The following LAMA5 variants were observed in gnomAD, a reference collection of about 807,000 sequenced individuals.
The protein encoded by LAMA5 is laminin subunit alpha-5.
LAMA5 carries 260 observed loss-of-function variants against 433.4 expected under a neutral mutation model. That is an observed-to-expected ratio of 0.60 (90% CI 0.54 to 0.66). The LOEUF (loss-of-function observed/expected upper bound fraction) is 0.66, where lower values mean the gene tolerates loss of function less well. LAMA5 is among the 30% of genes least tolerant of loss of function. The pLI is 0.00. For synonymous variants in LAMA5, 2,620 were observed against 2,226.6 expected, an observed-to-expected ratio of 1.18 and a Z score of -4.97; for missense variants, 5,378 against 5,258.5, an observed-to-expected ratio of 1.02 and a Z score of -0.70.
rs1981816624 is a variant in LAMA5, at chr20:62,337,283, G to A, written c.2164+307C>T. 3.3e-5 allele frequency among the ~76,000 whole-genome samples: 5 copies of A among 152,072 alleles called. No homozygotes were observed. In the South Asian group the frequency reaches 1.0e-3, roughly 31 times the overall value. ...ACACAAACCCACTTACGTGACACAG[G>A]CACCCACACTTAGGTGACACACACA... On this transcript the variant is annotated intron_variant, in intron 16 of 79. Coordinates refer to ENST00000252999, the MANE Select transcript of LAMA5 (RefSeq NM_005560.6).
At chr20:62,335,538 G>A (rs1981419087) in intron 18 of LAMA5, among the ~76,000 whole-genome samples, 1 of 144,068 alleles carries the variant, frequency 6.9e-6, no homozygotes, top group African/African-American at 2.6e-5. Flanking sequence ...TCCCTCTAGA[G>A]CACACTCAGA....
intron 48 of LAMA5, among the ~76,000 whole-genome samples, 191 bp downstream of exon 48, chr20:62,321,828 G>C (rs1007466992): frequency 4.1e-4 from 63 of 151,990 alleles, no homozygotes; most frequent in Middle Eastern, 3.4e-3. Context: ...GGACAGTAGA[G>C]GGGTGCAGCC....
rs747857822 is a variant in LAMA5 at position 62,313,441 on chromosome 20, A to G, written c.8678T>C (p.Phe2893Ser). ...STFTPPPLLRFPGYRGCIEMD... is the reference protein window; with the variant it reads ...STFTPPPLLRSPGYRGCIEMD... Reference sequence around the variant, plus strand: ...CTCGATGCAGCCCCGGTAGCCGGGGAAGCGAAGCAGGGGAGGGGGCTGTGG... The same window carrying G: ...CTCGATGCAGCCCCGGTAGCCGGGGGAGCGAAGCAGGGGAGGGGGCTGTGG... Residue 2893 changes from phenylalanine (F) to serine (S), a missense_variant, in exon 64 of 80, where the codon TTC becomes TCC. Phe to Ser is a radical substitution (Grantham distance 155, BLOSUM62 -2). Coordinates refer to ENST00000252999, the MANE Select transcript of LAMA5 (RefSeq NM_005560.6). The G allele has an allele frequency of 1.2e-6, 2 of 1,609,688 alleles. No homozygotes were observed. The highest frequency in any genetic ancestry group is 2.2e-5 in the South Asian group (2 of 90,414).
intron 79 of LAMA5, 113 bp downstream of exon 79, chr20:62,309,603 T>C (rs948301655): frequency 1.4e-5 from 4 of 284,350 alleles, no homozygotes; most frequent in African/African-American, 9.7e-5. Flanking sequence ...GGTAGGGGGG[T>C]GGGAGGAGGG....
chr20:62,311,181 G>C lies in LAMA5; in HGVS notation c.10069C>G (p.Leu3357Val). Reference protein sequence around the residue: ...LSSHLEFVGILARHRNWPSLS... With the variant: ...LSSHLEFVGIVARHRNWPSLS... The stretch of plus-strand genomic sequence containing the variant: ...CCTTACCAGTTCCTATGTCGGGCCA[G>C]GATGCCCACAAACTCCAGGTGACTG... The change falls in exon 73 of 80, where the codon CTG becomes GTG. Residue 3357 changes from leucine (L) to valine (V), a missense_variant. By Grantham distance (32) the Leu-to-Val change is conservative. Transcript: ENST00000252999. The C allele has an allele frequency of 6.2e-7, 1 of 1,604,108 alleles. No homozygotes were observed. The highest frequency in any genetic ancestry group is 8.5e-7 in the Non-Finnish European group (1 of 1,176,112).
chr20:62,309,375 G>C lies in LAMA5; in HGVS notation c.11049C>G (p.Val3683=), dbSNP rs779436357. The C allele has an allele frequency of 1.1e-5, 18 of 1,590,456 alleles. No individual in the cohort carries two copies. In the Admixed American group the frequency reaches 1.7e-4, roughly 15 times the overall value. ...SPVAMTRSVE[V]HGAVGASGCP... is the part of the protein sequence containing the mutation. ...AGCCACTGGCCCCCACTGCCCCGTG[G>C]ACCTCCACAGAGCGAGTCATGGCGA... Residue 3683 remains valine (V), a synonymous_variant, in exon 80 of 80, where the codon GTC becomes GTG. Transcript: ENST00000252999.
rs754916055 is a variant in LAMA5 at position 62,353,263 on chromosome 20, G to C, written c.451-12C>G. ...GCCACGTGGAAGACCTGTGGGCCGAGAGGGCGTCAGGGGAGCCAGGGGCGC... is the reference window on the plus strand; with the variant it reads ...GCCACGTGGAAGACCTGTGGGCCGACAGGGCGTCAGGGGAGCCAGGGGCGC... On this transcript the variant is annotated splice_polypyrimidine_tract_variant and intron_variant, in intron 2 of 79. Coordinates refer to ENST00000252999, the MANE Select transcript of LAMA5 (RefSeq NM_005560.6). The C allele has an allele frequency of 1.9e-6, 3 of 1,577,252 alleles. No homozygotes were observed. Among genetic ancestry groups the C allele is most frequent in the Non-Finnish European group, 2.6e-6 (3 of 1,157,566 alleles).
chr20:62,364,172 A>C (rs554714830), intron 1 of LAMA5, among the ~76,000 whole-genome samples: 4 of 152,212 alleles, frequency 2.6e-5, no homozygotes, highest in Admixed American at 2.6e-4. Context: ...CCCTACCCGC[A>C]GGCCGCACTG....
chr20:62,317,111 G>A (rs1987027019), intron 55 of LAMA5, 88 bp from the exon 56 acceptor site: 12 of 1,392,126 alleles, frequency 8.6e-6, no homozygotes, highest in African/African-American at 2.9e-5. Flanking sequence ...AACCAGCCGT[G>A]CCCGTGCCTG....
rs1283234285 is a variant in LAMA5, at chr20:62,329,187, T to C, written c.4186A>G (p.Lys1396Glu). 8.7e-6 allele frequency: 14 copies of C among 1,612,748 alleles called. No homozygotes were observed. Among genetic ancestry groups the C allele is most frequent in the Non-Finnish European group, 1.0e-5 (12 of 1,179,938 alleles). Reference protein sequence around the residue: ...FGYLREEPLDKSYDFISHCAA... With the variant: ...FGYLREEPLDESYDFISHCAA... ...CAGTGGCTGATGAAGTCATAGGATT[T>C]ATCCAGGGGCTCCTCCCGGAGGTAG... The change falls in exon 33 of 80, where the codon AAA (lysine) becomes GAA (glutamate). Residue 1396 changes from lysine (K) to glutamate (E), a missense_variant. Lys to Glu is a moderately conservative substitution (Grantham distance 56). Coordinates refer to ENST00000252999, the MANE Select transcript of LAMA5 (RefSeq NM_005560.6).
chr20:62,358,943 C>A (rs1046971304), intron 2 of LAMA5, among the ~76,000 whole-genome samples: 1 of 152,142 alleles, frequency 6.6e-6, no homozygotes, highest in Non-Finnish European at 1.5e-5. Flanking sequence ...GGGGCACAGG[C>A]CCTCACCTGG....
At position 62,318,659 on chromosome 20, in the gene LAMA5, G is replaced by A; in HGVS notation, c.7043-9C>T. The A allele has an allele frequency of 6.2e-7, 1 of 1,608,780 alleles. No homozygotes were observed. The highest frequency in any genetic ancestry group is 8.5e-7 in the Non-Finnish European group (1 of 1,178,272). The stretch of plus-strand genomic sequence containing the variant: ...CTGCACCCGGGCCAGCACTAGCCGA[G>A]ACCAGGGTGAGGGTGGTCACTCTGG... On this transcript the variant is annotated splice_polypyrimidine_tract_variant and intron_variant, in intron 52 of 79. Coordinates refer to ENST00000252999, the MANE Select transcript of LAMA5 (RefSeq NM_005560.6).
rs1234978293 is a variant in LAMA5 at position 62,312,203 on chromosome 20, G to C, written c.9474C>G (p.Asp3158Glu). The C allele has an allele frequency of 6.2e-7, 1 of 1,610,720 alleles. No individual in the cohort carries two copies. The highest frequency in any genetic ancestry group is 1.1e-5 in the South Asian group (1 of 90,810). Residue 3158 changes from aspartate (D) to glutamate (E), a missense_variant, in exon 69 of 80, where the codon GAC becomes GAG. Transcript: ENST00000252999. ...YSGFGFHSAQDSALLYYRASP... is the reference protein window; with the variant it reads ...YSGFGFHSAQESALLYYRASP... ...ACGCCCGGTAGTAGAGCAGGGCACT[G>C]TCCTGGGCGCTGTGGAAGCCGAAGC... is the stretch of plus-strand genomic sequence containing the variant.
At chr20:62,322,880 AC>A in intron 45 of LAMA5, 122 bp from the exon 46 acceptor site, 1 of 613,618 alleles carries the variant, frequency 1.6e-6, no homozygotes, top group Non-Finnish European at 2.7e-6. Flanking sequence ...CGCCCGGACC[AC>A]CCGGCTACCC....
intron 3 of LAMA5, among the ~76,000 whole-genome samples, chr20:62,352,682 A>G (rs965616507): frequency 6.6e-6 from 1 of 152,060 alleles, no homozygotes; most frequent in African/African-American, 2.4e-5. Flanking sequence ...TTTGGGGGAC[A>G]CGTGACCAGG....
At chr20:62,317,621 C>T in intron 54 of LAMA5, 41 bp downstream of exon 54, 1 of 1,521,712 alleles carries the variant, frequency 6.6e-7, no homozygotes, top group Non-Finnish European at 8.9e-7. Flanking sequence ...AGGGAGTTGG[C>T]CGTGGATGGG....
At chr20:62,330,700 C>G in intron 30 of LAMA5, 43 bp downstream of exon 30, 2 of 1,556,246 alleles carry the variant, frequency 1.3e-6, no homozygotes, top group Non-Finnish European at 1.7e-6. Flanking sequence ...GACCCGGAGT[C>G]CTGCCCTGAC....
At chr20:62,336,866 C>A (rs1981723323) in intron 16 of LAMA5, 80 bp from the exon 17 acceptor site, 1 of 1,400,170 alleles carries the variant, frequency 7.1e-7, no homozygotes, top group African/African-American at 1.4e-5. Flanking sequence ...CCAGCCAGAA[C>A]CCACGGTCCC....
Position 62,322,651 on chromosome 20 carries a change from GC to G in LAMA5, c.6165+6del, listed in dbSNP as rs527650945. 2,655 of 1,149,412 alleles carry G rather than the reference GC, an allele frequency of 2.3e-3. 7 individuals are homozygous for G. The highest frequency in any genetic ancestry group is 5.0e-3 in the Admixed American group (229 of 45,416). The allele number at this position is 1,149,412 out of a possible 1,614,324, so 71.2% of individuals were successfully genotyped here. On this transcript the variant is annotated splice_donor_region_variant and intron_variant, in intron 46 of 79. Coordinates refer to ENST00000252999, the MANE Select transcript of LAMA5 (RefSeq NM_005560.6). ...CCCACCCAGCCCTGCTTACCCCACA[GC>G]CCTACCTGGCAGCGGTCACAGCGCC... is the stretch of plus-strand genomic sequence containing the variant.
Sources: gnomAD v4.1 joint callset for allele counts (sites outside exome capture counted in the v4.1 genomes callset) on GRCh38, gnomAD v4.1.1 for gene constraint, MANE v1.5 for transcripts, NCBI Gene and HGNC (gene_info 2026-07-23, HGNC 2026-07-21) for gene names.